DCDC1: variants seen among roughly 807,000 people sequenced by gnomAD.
DCDC1 encodes doublecortin domain-containing protein 1.
Under a neutral mutation model 178.3 loss-of-function variants are expected in DCDC1, and 200 were observed. That is an observed-to-expected ratio of 1.12 (90% CI 1.00 to 1.26). The LOEUF (loss-of-function observed/expected upper bound fraction) is 1.26, where lower values mean the gene tolerates loss of function less well. Ranked by LOEUF, DCDC1 falls within the 50% of genes most tolerant of loss-of-function variation. The probability of loss-of-function intolerance (pLI) is 0.00; values close to 1 mark genes in which losing one functional copy is unlikely to be tolerated. For missense variants in DCDC1, 1,983 were observed against 1,749.2 expected, an observed-to-expected ratio of 1.13 and a Z score of -2.38; for synonymous variants, 690 against 604.8, an observed-to-expected ratio of 1.14 and a Z score of -2.07.
intron 9 of DCDC1, among the ~76,000 whole-genome samples, chr11:31,179,270 G>A (rs1038121738): frequency 6.6e-6 from 1 of 152,096 alleles, no homozygotes; most frequent in African/African-American, 2.4e-5. Flanking sequence ...CACTATGAAG[G>A]TTCCTCAAAA....
At chr11:31,088,206 T>A (rs183443999) in intron 17 of DCDC1, among the ~76,000 whole-genome samples, 1 of 152,152 alleles carries the variant, frequency 6.6e-6, no homozygotes, top group East Asian at 1.9e-4. Context: ...TTTCTTTATA[T>A]TTAAAGTTAA....
intron 10 of DCDC1, among the ~76,000 whole-genome samples, chr11:31,133,976 T>A (rs1049970387): frequency 6.6e-6 from 1 of 152,222 alleles, no homozygotes; most frequent in Non-Finnish European, 1.5e-5. Context: ...GTGCTGGGAC[T>A]ACAGGCGTGA....
rs775744937 is a variant in DCDC1, at chr11:31,091,404, G to A, written c.2226C>T (p.Ile742=). ...TTTATAAGCATTACCTTTTCTGTAA[G>A]ATTAATTTATATCCTTCTAGTGATG... ...EGTSLEGYKL[I]LQKRHSGDDS... Residue 742 remains isoleucine, a synonymous_variant, in exon 17 of 39, where the codon ATC becomes ATT. Coordinates refer to ENST00000684477, the MANE Select transcript of DCDC1 (RefSeq NM_001387274.1). The A allele has an allele frequency of 2.7e-6, 2 of 746,502 alleles. No homozygotes were observed. Among genetic ancestry groups the A allele is most frequent in the Non-Finnish European group, 4.9e-6 (2 of 407,318 alleles). The allele number at this position is 746,502 out of a possible 1,614,324, so 46.2% of individuals were successfully genotyped here.
chr11:31,164,577 T>A (rs2136184942), intron 9 of DCDC1, among the ~76,000 whole-genome samples: 1 of 151,982 alleles, frequency 6.6e-6, no homozygotes, highest in African/African-American at 2.4e-5. Flanking sequence ...TAAAAAAAAA[T>A]TAAAAATAGA....
Position 30,914,574 on chromosome 11 carries a change from T to C in DCDC1, c.3653+937A>G, listed in dbSNP as rs555428874. 3.8e-5 allele frequency among the ~76,000 whole-genome samples: 5 copies of C among 132,458 alleles called. No homozygotes were observed. In the East Asian group the frequency reaches 1.1e-3, roughly 29 times the overall value. The allele number at this position is 132,458 out of a possible 152,430, so 86.9% of individuals were successfully genotyped here. On this transcript the variant is annotated intron_variant, in intron 27 of 38. Coordinates refer to ENST00000684477, the MANE Select transcript of DCDC1 (RefSeq NM_001387274.1). ...TGGTAGAATTTGAAGCAAACCAATC[T>C]AAAAAACAGGGAATTGTTTTCTTTT...
intron 8 of DCDC1, among the ~76,000 whole-genome samples, chr11:31,250,387 C>A (rs555131397): frequency 9.6e-4 from 79 of 82,396 alleles, no homozygotes; most frequent in African/African-American, 9.0e-3. Context: ...TGAATGAATA[C>A]ACACACACAC....
intron 18 of DCDC1, among the ~76,000 whole-genome samples, chr11:31,076,415 C>T (rs1236612487): frequency 6.6e-6 from 1 of 152,096 alleles, no homozygotes; most frequent in Non-Finnish European, 1.5e-5. Context: ...GTGGCATGAA[C>T]ACAGCTCACT....
At chr11:31,213,151 CT>C in intron 9 of DCDC1, among the ~76,000 whole-genome samples, 1 of 107,632 alleles carries the variant, frequency 9.3e-6, no homozygotes, top group Non-Finnish European at 2.0e-5. Flanking sequence ...CTCTCTCTCT[CT>C]CTCTCTCTCT....
intron 28 of DCDC1, among the ~76,000 whole-genome samples, chr11:30,910,181 C>A (rs1217478393): frequency 6.6e-6 from 1 of 152,094 alleles, no homozygotes; most frequent in Admixed American, 6.6e-5. Context: ...AAACGCAACA[C>A]CAGCAACAAA....
chr11:31,057,304 A>T (rs1281976902), intron 20 of DCDC1, among the ~76,000 whole-genome samples: 1 of 151,898 alleles, frequency 6.6e-6, no homozygotes, highest in Non-Finnish European at 1.5e-5. Flanking sequence ...AAAGAAAGAA[A>T]GAAAGAGAGA....
intron 11 of DCDC1, among the ~76,000 whole-genome samples, chr11:31,117,705 CA>C (rs71060476): frequency 1.3e-4 from 19 of 146,712 alleles, no homozygotes; most frequent in South Asian, 4.3e-4. Flanking sequence ...TATGTTTCTG[CA>C]AAAAAAAAAC....
intron 20 of DCDC1, among the ~76,000 whole-genome samples, chr11:30,973,305 C>A (rs532962591): frequency 1.3e-5 from 2 of 151,492 alleles, no homozygotes; most frequent in East Asian, 3.9e-4. Flanking sequence ...GCATCTCCCC[C>A]CTCTCTCTCT....
intron 36 of DCDC1, among the ~76,000 whole-genome samples, chr11:30,887,127 C>T (rs1406350466): frequency 6.6e-6 from 1 of 152,104 alleles, no homozygotes; most frequent in African/African-American, 2.4e-5. Context: ...TCTGTTGTAA[C>T]TAATGAAATG....
At chr11:31,054,558 C>A (rs576763878) in intron 20 of DCDC1, among the ~76,000 whole-genome samples, 1 of 152,250 alleles carries the variant, frequency 6.6e-6, no homozygotes, top group African/African-American at 2.4e-5. Flanking sequence ...AAGAACAAAT[C>A]TGGAGGCATC....
rs1295925012 is a variant in DCDC1, at chr11:31,062,947, T to TC, written c.2591+1521dup. Among the ~76,000 whole-genome samples the TC allele has an allele frequency of 4.6e-4, 31 of 67,774 alleles. 1 individual carries two copies. Among genetic ancestry groups the TC allele is most frequent in the African/African-American group, 1.8e-3 (30 of 16,674 alleles). The allele number at this position is 67,774 out of a possible 152,430, so 44.5% of individuals were successfully genotyped here. A position where few individuals can be genotyped will look rare whatever the true frequency, so the allele number is the denominator to read the frequency against. On this transcript the variant is annotated intron_variant, in intron 20 of 38. Coordinates refer to ENST00000684477, the MANE Select transcript of DCDC1 (RefSeq NM_001387274.1). Reference sequence around the variant, plus strand: ...ATCTCCTAATGTTATCCCTCCCCCCTCCCCCCACCCCACAACAGTCCCCAG... The same window carrying TC: ...ATCTCCTAATGTTATCCCTCCCCCCTCCCCCCCACCCCACAACAGTCCCCAG...
chr11:30,911,573 G>C (rs1945450391), intron 27 of DCDC1, among the ~76,000 whole-genome samples, 153 bp from the exon 28 acceptor site: 2 of 152,204 alleles, frequency 1.3e-5, no homozygotes, highest in African/African-American at 4.8e-5. Context: ...CAGTAAGTGT[G>C]ATGTTAAGCT....
intron 20 of DCDC1, among the ~76,000 whole-genome samples, chr11:31,053,634 A>T (rs1006703486): frequency 1.3e-5 from 2 of 152,200 alleles, no homozygotes; most frequent in Non-Finnish European, 2.9e-5. Flanking sequence ...ATCCACTATG[A>T]TCAAGTGGGT....
At chr11:31,350,100 A>T (rs897988340) in intron 1 of DCDC1, among the ~76,000 whole-genome samples, 4 of 152,154 alleles carry the variant, frequency 2.6e-5, no homozygotes, top group African/African-American at 9.7e-5. Context: ...GCTGTTGTGT[A>T]TCTCCAAAAT....
chr11:31,152,107 A>G (rs1469422009), intron 9 of DCDC1, among the ~76,000 whole-genome samples: 2 of 152,188 alleles, frequency 1.3e-5, no homozygotes, highest in Non-Finnish European at 2.9e-5. Flanking sequence ...AATATGAATA[A>G]TTTTCATTCA....
Sources: gnomAD v4.1 joint callset for allele counts (sites outside exome capture counted in the v4.1 genomes callset) on GRCh38, gnomAD v4.1.1 for gene constraint, MANE v1.5 for transcripts, NCBI Gene and HGNC (gene_info 2026-07-23, HGNC 2026-07-21) for gene names.